STEAP2: variants seen among roughly 807,000 people sequenced by gnomAD.
STEAP2 encodes STEAP2 metalloreductase, also known as metalloreductase STEAP2.
A neutral mutation model predicts 46.4 loss-of-function variants in STEAP2; 30 were observed. The ratio of observed to expected loss-of-function variants is 0.65; its 90% CI spans 0.48 to 0.88. STEAP2 has a LOEUF of 0.88. Ranked by LOEUF, STEAP2 falls within the 40% of genes least tolerant of loss-of-function variation. The probability of loss-of-function intolerance (pLI) is 0.00; values close to 1 mark genes in which losing one functional copy is unlikely to be tolerated. For synonymous variants in STEAP2, 180 were observed against 200.5 expected (o/e 0.90, Z 0.86); for missense variants, 513 against 579.3 (o/e 0.89, Z 1.18).
intron 5 of STEAP2, among the ~76,000 whole-genome samples, chr7:90,231,080 C>T (rs1221057680): frequency 6.6e-6 from 1 of 151,808 alleles, no homozygotes; most frequent in Admixed American, 6.6e-5. Context: ...TAAAGTTAGA[C>T]ATTACATCAC....
chr7:90,234,086 T>C lies in STEAP2; in HGVS notation c.*1462T>C. ...TAGAGTTAGTCTTCTCCTTTTCTCT[T>C]CCTGAGAAGTTCTCCTGCCTGCATA... On this transcript the variant is annotated 3_prime_UTR_variant, in exon 6 of 6. Coordinates refer to ENST00000394621, the MANE Select transcript of STEAP2 (RefSeq NM_001244944.2). 2 of 985,410 alleles carry C rather than the reference T, an allele frequency of 2.0e-6. No individual in the cohort carries two copies. The highest frequency in any genetic ancestry group is 2.4e-6 in the Non-Finnish European group (2 of 829,940). 61.0% of individuals were successfully genotyped at this position (985,410 alleles called of 1,614,324 possible).
chr7:90,221,284 T>C (rs1694765113), intron 2 of STEAP2, among the ~76,000 whole-genome samples: 1 of 152,202 alleles, frequency 6.6e-6, no homozygotes, highest in Non-Finnish European at 1.5e-5. Flanking sequence ...ACTTTATTTA[T>C]ATTAATATAT....
rs753048586 is a variant in STEAP2 at position 90,233,760 on chromosome 7, G to A, written c.*1136G>A. ...CAGAGGCCACGGTTTTAACCACTAG[G>A]CTCTAGAGCTCCCGCCGCGCCCCTA... On this transcript the variant is annotated 3_prime_UTR_variant, in exon 6 of 6. Coordinates refer to ENST00000394621, the MANE Select transcript of STEAP2 (RefSeq NM_001244944.2). 2.0e-6 allele frequency: 2 copies of A among 985,210 alleles called. No homozygotes were observed. The highest frequency in any genetic ancestry group is 2.4e-6 in the Non-Finnish European group (2 of 829,928). 61.0% of individuals were successfully genotyped at this position (985,210 alleles called of 1,614,324 possible).
At chr7:90,238,192 C>T (rs1165728131), downstream of STEAP2, 1 of 714,894 alleles carries the variant, frequency 1.4e-6, no homozygotes. Context: ...GTCCTGTACA[C>T]TGTGCCACTG....
chr7:90,236,094 T>G lies in STEAP2; in HGVS notation c.*3470T>G, dbSNP rs1795950519. 6.0e-6 allele frequency: 4 copies of G among 661,198 alleles called. No homozygotes were observed. The highest frequency in any genetic ancestry group is 7.5e-6 in the Non-Finnish European group (4 of 534,884). The allele number at this position is 661,198 out of a possible 1,614,324, so 41.0% of individuals were successfully genotyped here. A position where few individuals can be genotyped will look rare whatever the true frequency, so the allele number is the denominator to read the frequency against. ...AGGGCTTCAAGAATATATCCAATTT[T>G]TAAATATTTTAATATATCTCCTATC... On this transcript the variant is annotated 3_prime_UTR_variant, in exon 6 of 6. Transcript: ENST00000394621.
chr7:90,222,172 G>C lies in STEAP2; in HGVS notation c.-33-2878G>C, dbSNP rs1425229715. Among the ~76,000 whole-genome samples the C allele has an allele frequency of 2.0e-5, 3 of 152,186 alleles. No individual in the cohort carries two copies. In the East Asian group the frequency reaches 5.8e-4, roughly 29 times the overall value. ...ACTCCTGATTCCCAGCATAGCTAGT[G>C]ACATCTCCAAATGGATATTGACAGG... is the stretch of plus-strand genomic sequence containing the variant. On this transcript the variant is annotated intron_variant, in intron 2 of 5. Coordinates refer to ENST00000394621, the MANE Select transcript of STEAP2 (RefSeq NM_001244944.2).
At chr7:90,243,189 C>T in the STEAP2 span, among the ~76,000 whole-genome samples, 1 of 152,122 alleles carries the variant, frequency 6.6e-6, no homozygotes, top group African/African-American at 2.4e-5. Context: ...AAATATTCAA[C>T]GTCTGAGGCA....
Position 90,232,952 on chromosome 7 carries a change from T to C in STEAP2, c.*328T>C. 1.0e-6 allele frequency: 1 copy of C among 979,616 alleles called. No homozygotes were observed. The highest frequency in any genetic ancestry group is 1.2e-6 in the Non-Finnish European group (1 of 822,426). The allele number at this position is 979,616 out of a possible 1,614,324, so 60.7% of individuals were successfully genotyped here. A position where few individuals can be genotyped will look rare whatever the true frequency, so the allele number is the denominator to read the frequency against. On this transcript the variant is annotated 3_prime_UTR_variant, in exon 6 of 6. Transcript: ENST00000394621. ...AATATAGATATAATGTTAAAAACAA[T>C]TTGCAAACCAGCAGAATTTTAAGCT...
Position 90,236,503 on chromosome 7 carries a change from T to C in STEAP2, c.*3879T>C. ...CATCAGTGGGTAAAACAAATTCTGATGTACATTCAGGACAAATGATTAGCC... is the reference window on the plus strand; with the variant it reads ...CATCAGTGGGTAAAACAAATTCTGACGTACATTCAGGACAAATGATTAGCC... On this transcript the variant is annotated 3_prime_UTR_variant, in exon 6 of 6. Transcript: ENST00000394621. 9.9e-7 allele frequency: 1 copy of C among 1,005,888 alleles called. No homozygotes were observed. Among genetic ancestry groups the C allele is most frequent in the Non-Finnish European group, 1.2e-6 (1 of 843,126 alleles). The allele number at this position is 1,005,888 out of a possible 1,614,324, so 62.3% of individuals were successfully genotyped here.
At chr7:90,232,161 C>T (rs915942232) in intron 5 of STEAP2, among the ~76,000 whole-genome samples, 176 bp from the exon 6 acceptor site, 2 of 151,602 alleles carry the variant, frequency 1.3e-5, no homozygotes, top group African/African-American at 4.8e-5. Context: ...CATATATATG[C>T]ATATATAAAA....
At chr7:90,219,967 T>C (rs1489397700) in intron 2 of STEAP2, among the ~76,000 whole-genome samples, 1 of 152,200 alleles carries the variant, frequency 6.6e-6, no homozygotes, top group Non-Finnish European at 1.5e-5. Flanking sequence ...CTTCAATCCA[T>C]CCTCCTGCAT....
chr7:90,222,862 A>T (rs1019389666), intron 2 of STEAP2, among the ~76,000 whole-genome samples: 5 of 152,060 alleles, frequency 3.3e-5, no homozygotes, highest in Non-Finnish European at 4.4e-5. Flanking sequence ...TTTTTGAAAC[A>T]TTCCACCTGT....
At chr7:90,230,662 C>A (rs1229546398) in intron 5 of STEAP2, among the ~76,000 whole-genome samples, 1 of 151,746 alleles carries the variant, frequency 6.6e-6, no homozygotes, top group African/African-American at 2.4e-5. Flanking sequence ...AAACATTCAC[C>A]TTCTCCAATA....
downstream of STEAP2, among the ~76,000 whole-genome samples, chr7:90,239,953 G>A (rs1796041945): frequency 6.6e-6 from 1 of 152,192 alleles, no homozygotes; most frequent in Non-Finnish European, 1.5e-5. Flanking sequence ...TTTCTGTGCT[G>A]TCAACCTGAA....
chr7:90,218,588 A>AT lies in STEAP2; in HGVS notation c.-34+1993dup, dbSNP rs879378642. Among the ~76,000 whole-genome samples the AT allele has an allele frequency of 8.8e-4, 133 of 151,658 alleles. 1 individual carries two copies. The highest frequency in any genetic ancestry group is 3.4e-3 in the Middle Eastern group (1 of 292). Reference sequence around the variant, plus strand: ...CAATCAGTTGGCTGTAAATGTGTGGATTTTTTTTGTGGATTATCTAATCTG... The same window carrying AT: ...CAATCAGTTGGCTGTAAATGTGTGGATTTTTTTTTGTGGATTATCTAATCTG... On this transcript the variant is annotated intron_variant, in intron 2 of 5. Coordinates refer to ENST00000394621, the MANE Select transcript of STEAP2 (RefSeq NM_001244944.2).
chr7:90,236,003 C>T lies in STEAP2; in HGVS notation c.*3379C>T. 1 of 937,734 alleles carries T rather than the reference C, an allele frequency of 1.1e-6. No homozygotes were observed. Among genetic ancestry groups the T allele is most frequent in the South Asian group, 4.9e-5 (1 of 20,308 alleles). 58.1% of individuals were successfully genotyped at this position (937,734 alleles called of 1,614,324 possible). Reference sequence around the variant, plus strand: ...AGGAATTCTACTTTCAAAAATTAATCTGATAATAGTAACAAGGTATATTAT... The same window carrying T: ...AGGAATTCTACTTTCAAAAATTAATTTGATAATAGTAACAAGGTATATTAT... On this transcript the variant is annotated 3_prime_UTR_variant, in exon 6 of 6. Coordinates refer to ENST00000394621, the MANE Select transcript of STEAP2 (RefSeq NM_001244944.2).
In STEAP2 at chr7:90,227,146, C is replaced by T; in HGVS notation, c.668C>T (p.Ala223Val). Residue 223 changes from alanine (A) to valine (V), a missense_variant, in exon 4 of 6, where the codon GCC becomes GTC. Physicochemically the swap from Ala to Val is moderately conservative, Grantham distance 64 (BLOSUM62 0). Transcript: ENST00000394621. ...CCAGTGGTGGTAGCTATAAGCTTGGCCACATTTTTTTTCCTTTATTCCTTT... is the reference window on the plus strand; with the variant it reads ...CCAGTGGTGGTAGCTATAAGCTTGGTCACATTTTTTTTCCTTTATTCCTTT... ...RGPVVVAISL[A>V]TFFFLYSFVR... 1 of 1,613,594 alleles carries T rather than the reference C, an allele frequency of 6.2e-7. No homozygotes were observed. Among genetic ancestry groups the T allele is most frequent in the Non-Finnish European group, 8.5e-7 (1 of 1,179,832 alleles).
Position 90,225,444 on chromosome 7 carries a change from G to A in STEAP2, c.362G>A (p.Arg121Lys). 1.9e-6 allele frequency: 3 copies of A among 1,613,750 alleles called. No homozygotes were observed. The highest frequency in any genetic ancestry group is 1.1e-5 in the South Asian group (1 of 91,050). ...KILIDVSNNM[R>K]INQYPESNAE... The stretch of plus-strand genomic sequence containing the variant: ...CTGATTGATGTGAGCAATAACATGA[G>A]GATAAACCAGTACCCAGAATCCAAT... The change falls in exon 3 of 6, where the codon AGG becomes AAG. Residue 121 changes from arginine to lysine, a missense_variant. Physicochemically the swap from Arg to Lys is conservative, Grantham distance 26. Transcript: ENST00000394621.
At chr7:90,242,637 G>T (rs186614549), downstream of STEAP2, among the ~76,000 whole-genome samples, 123 of 152,320 alleles carry the variant, frequency 8.1e-4, 1 homozygote, top group Non-Finnish European at 1.3e-3. Flanking sequence ...TCCTTTCGAT[G>T]TGGTTTACTT....
Sources: allele counts gnomAD v4.1 joint callset (sites outside exome capture counted in the v4.1 genomes callset), GRCh38; gene constraint gnomAD v4.1.1; transcripts MANE v1.5; gene names NCBI Gene and HGNC (gene_info 2026-07-23, HGNC 2026-07-21).